PLIN4: variants seen among roughly 807,000 people sequenced by gnomAD.
PLIN4 encodes the protein perilipin 4, also known as perilipin-4.
In PLIN4, 57 loss-of-function variants were observed where a neutral mutation model predicts 52.4. That is an observed-to-expected ratio of 1.09 (90% confidence interval 0.88 to 1.36). PLIN4 has a LOEUF of 1.36. Among genes scored for constraint, PLIN4 ranks in the 40% most tolerant of loss-of-function variants. The pLI is 0.00. For synonymous variants in PLIN4, 826 were observed against 785.4 expected, an observed-to-expected ratio of 1.05 and a Z score of -0.86; for missense variants, 1,757 against 1,770.3, an observed-to-expected ratio of 0.99 and a Z score of 0.13.
At position 4,513,576 on chromosome 19, in the gene PLIN4, A is replaced by C; in HGVS notation, c.384T>G (p.Thr128=). Residue 128 remains threonine, a synonymous_variant, in exon 5 of 8, where the codon ACT becomes ACG. Coordinates refer to ENST00000301286, the MANE Select transcript of PLIN4 (RefSeq NM_001367868.2). The part of the protein sequence containing the change: ...KGVVQGGLDT[T]RSALTGTKEV... ...CCTTGGTGCCCGTAAGTGCAGACCGAGTGGTGTCCAGGCCTCCCTGGACCA... is the reference window on the plus strand; with the variant it reads ...CCTTGGTGCCCGTAAGTGCAGACCGCGTGGTGTCCAGGCCTCCCTGGACCA... The C allele has an allele frequency of 6.2e-7, 1 of 1,605,050 alleles. No individual in the cohort carries two copies. The highest frequency in any genetic ancestry group is 8.5e-7 in the Non-Finnish European group (1 of 1,176,148).
chr19:4,513,107 T>C lies in PLIN4; in HGVS notation c.853A>G (p.Thr285Ala), dbSNP rs968932624. The C allele has an allele frequency of 1.4e-6, 1 of 700,250 alleles. No individual in the cohort carries two copies. The highest frequency in any genetic ancestry group is 2.6e-6 in the Non-Finnish European group (1 of 388,710). 43.4% of individuals were successfully genotyped at this position (700,250 alleles called of 1,614,324 possible). ...VTGAMNVAKGTIQTGVDTSKT... is the reference protein window; with the variant it reads ...VTGAMNVAKGAIQTGVDTSKT... ...CTGGTGTCCACGCCGGTCTGGATGG[T>C]TCCTTTGGCCACATTCATGGCACCA... The change falls in exon 5 of 8, where the codon ACC (threonine) becomes GCC (alanine). Residue 285 changes from threonine to alanine, a missense_variant. By Grantham distance (58) the Thr-to-Ala change is moderately conservative. Around this residue, in one of 7 missense-constraint regions of PLIN4, gnomAD observed 99 missense variants for 143.4 expected, o/e 0.69. Transcript: ENST00000301286.
intron 3 of PLIN4, 26 bp from the exon 4 acceptor site, chr19:4,516,704 A>G (rs1568237917): frequency 6.4e-7 from 1 of 1,565,912 alleles, no homozygotes; most frequent in East Asian, 2.3e-5. Context: ...CCGGTCAGGG[A>G]GAGTGAGGGA....
chr19:4,510,456 C>A lies in PLIN4; in HGVS notation c.3504G>T (p.Ala1168=). ...CAGGCGTCCCCTCACCTTGCTCCTC[C>A]GCATTCATGGGGTGGAAGATGTCCC... ...GLGDIFHPMN[A]EEQAQLAASQ... The change falls in exon 5 of 8, where the codon GCG becomes GCT. Residue 1168 remains alanine (A), a synonymous_variant. Transcript: ENST00000301286. 7.0e-7 allele frequency: 1 copy of A among 1,425,000 alleles called. No homozygotes were observed. The highest frequency in any genetic ancestry group is 9.2e-7 in the Non-Finnish European group (1 of 1,086,200). 88.3% of individuals were successfully genotyped at this position (1,425,000 alleles called of 1,614,324 possible).
intron 6 of PLIN4, among the ~76,000 whole-genome samples, chr19:4,506,519 C>G (rs1976098424): frequency 6.6e-6 from 1 of 152,206 alleles, no homozygotes; most frequent in African/African-American, 2.4e-5. Context: ...CTTCCCCAAC[C>G]ATGGCGCCCC....
Position 4,512,292 on chromosome 19 carries a change from G to T in PLIN4, c.1668C>A (p.Thr556=), listed in dbSNP as rs548549209. The part of the protein sequence containing the change: ...AKGAVQGGLD[T]TKSVVIGTKD... ...TTGTACCTATGACCACAGACTTGGT[G>T]GTGTCCAGGCCCCCCTGGACGGCCC... Residue 556 remains threonine (T), a synonymous_variant, in exon 5 of 8, where the codon ACC becomes ACA. Transcript: ENST00000301286. 8.7e-6 allele frequency: 14 copies of T among 1,602,980 alleles called. No individual in the cohort carries two copies. The South Asian group carries it at 1.5e-4, about 18-fold the overall frequency.
Position 4,512,132 on chromosome 19 carries a change from T to C in PLIN4, c.1828A>G (p.Asn610Asp). The change falls in exon 5 of 8, where the codon AAT becomes GAT. Residue 610 changes from asparagine to aspartate, a missense_variant. Asn to Asp is a conservative substitution (Grantham distance 23). Coordinates refer to ENST00000301286, the MANE Select transcript of PLIN4 (RefSeq NM_001367868.2). ...GTCTGGACGGTCCCTTTGGCGACATTCACTGCCCCCACGAGCCCAGTAGTC... is the reference window on the plus strand; with the variant it reads ...GTCTGGACGGTCCCTTTGGCGACATCCACTGCCCCCACGAGCCCAGTAGTC... Reference protein sequence around the residue: ...TVTTGLVGAVNVAKGTVQTGM... With the variant: ...TVTTGLVGAVDVAKGTVQTGM... The C allele has an allele frequency of 6.2e-7, 1 of 1,606,764 alleles. No individual in the cohort carries two copies. The highest frequency in any genetic ancestry group is 8.5e-7 in the Non-Finnish European group (1 of 1,178,420).
At position 4,504,801 on chromosome 19, in the gene PLIN4, G is replaced by T. The variant is rs376223869; in HGVS notation, c.3790-16C>A. 12 of 1,601,808 alleles carry T rather than the reference G, an allele frequency of 7.5e-6. No homozygotes were observed. The highest frequency in any genetic ancestry group is 2.2e-5 in the East Asian group (1 of 44,572). ...CATCCCGCTCCTGTGGGAGGAAGGC[G>T]CAAGGTGAGTGGAGACCCATGGGCG... is the stretch of plus-strand genomic sequence containing the variant. On this transcript the variant is annotated splice_polypyrimidine_tract_variant and intron_variant, in intron 7 of 7. Coordinates refer to ENST00000301286, the MANE Select transcript of PLIN4 (RefSeq NM_001367868.2).
chr19:4,516,436 G>T (rs1453628392), intron 4 of PLIN4, among the ~76,000 whole-genome samples, 181 bp downstream of exon 4: 3 of 152,170 alleles, frequency 2.0e-5, no homozygotes, highest in African/African-American at 4.8e-5. Flanking sequence ...CAGAGGGGAA[G>T]CTCCGCCTGG....
At position 4,512,676 on chromosome 19, in the gene PLIN4, G is replaced by T. The variant is rs376773141; in HGVS notation, c.1284C>A (p.Ile428=). 3.5e-5 allele frequency: 55 copies of T among 1,555,440 alleles called. No homozygotes were observed. In the East Asian group the frequency reaches 1.2e-3, roughly 33 times the overall value. ...MQTGLNTTQN[I]ATGTKDTVCS... The stretch of plus-strand genomic sequence containing the variant: ...AGACGGTGTCCTTTGTACCTGTTGC[G>T]ATATTTTGGGTTGTGTTCAGCCCAG... The change falls in exon 5 of 8, where the codon ATC becomes ATA. Residue 428 remains isoleucine, a synonymous_variant. Transcript: ENST00000301286.
At chr19:4,509,350 C>A (rs1976213935) in intron 5 of PLIN4, among the ~76,000 whole-genome samples, 1 of 125,562 alleles carries the variant, frequency 8.0e-6, no homozygotes, top group African/African-American at 2.9e-5. Flanking sequence ...GGCGCGGTGG[C>A]TCACGCCCGT....
chr19:4,505,400 G>T (rs144274416), intron 6 of PLIN4, among the ~76,000 whole-genome samples: 1 of 152,094 alleles, frequency 6.6e-6, no homozygotes, highest in African/African-American at 2.4e-5. Context: ...CCACTCAGCC[G>T]GGAGCCTGCT....
Position 4,513,707 on chromosome 19 carries a change from G to T in PLIN4, c.259-6C>A. On this transcript the variant is annotated splice_polypyrimidine_tract_variant and splice_region_variant and intron_variant, in intron 4 of 7. Transcript: ENST00000301286. ...TCTTTGGCCCCGGACACCATCTGCT[G>T]AGAAAGGACACAGGTGGATCAAGAG... 1 of 1,565,972 alleles carries T rather than the reference G, an allele frequency of 6.4e-7. No individual in the cohort carries two copies.
Position 4,502,344 on chromosome 19 carries a change from G to T in PLIN4, c.*2115C>A, listed in dbSNP as rs909883624. The T allele has an allele frequency of 7.7e-6, 3 of 387,152 alleles. No individual in the cohort carries two copies. Among genetic ancestry groups the T allele is most frequent in the African/African-American group, 4.2e-5 (2 of 47,142 alleles). The allele number at this position is 387,152 out of a possible 1,614,324, so 24.0% of individuals were successfully genotyped here. ...GGCCACCGTGAGAAGCGACTAAAAGGCACTCTGGGCCCAGCCCAACCCTGA... is the reference window on the plus strand; with the variant it reads ...GGCCACCGTGAGAAGCGACTAAAAGTCACTCTGGGCCCAGCCCAACCCTGA... On this transcript the variant is annotated 3_prime_UTR_variant, in exon 8 of 8. Coordinates refer to ENST00000301286, the MANE Select transcript of PLIN4 (RefSeq NM_001367868.2).
At chr19:4,509,126 G>A (rs1046725083) in intron 5 of PLIN4, among the ~76,000 whole-genome samples, 171 bp from the exon 6 acceptor site, 4 of 151,496 alleles carry the variant, frequency 2.6e-5, no homozygotes, top group South Asian at 2.1e-4. Context: ...TGGCTAACAC[G>A]GTGAAACCCC....
rs754913396 is a variant in PLIN4 at position 4,512,639 on chromosome 19, T to G, written c.1321A>C (p.Thr441Pro). The part of the protein sequence containing the change: ...GTKDTVCSGV[T>P]GAMNLARGTI... ...CCTCTGGCCAAATTCATGGCACCAG[T>G]CACCCCACTGCAGACGGTGTCCTTT... The change falls in exon 5 of 8, where the codon ACT becomes CCT. Residue 441 changes from threonine to proline, a missense_variant. Coordinates refer to ENST00000301286, the MANE Select transcript of PLIN4 (RefSeq NM_001367868.2). 13 of 1,584,568 alleles carry G rather than the reference T, an allele frequency of 8.2e-6. 1 individual carries two copies. Among genetic ancestry groups the G allele is most frequent in the Non-Finnish European group, 1.0e-5 (12 of 1,164,644 alleles).
At chr19:4,507,965 C>G (rs1406139958) in intron 6 of PLIN4, among the ~76,000 whole-genome samples, 5 of 152,178 alleles carry the variant, frequency 3.3e-5, no homozygotes, top group African/African-American at 1.2e-4. Flanking sequence ...TGCATGACCC[C>G]TGGATGCATC....
chr19:4,512,819 C>T lies in PLIN4; in HGVS notation c.1141G>A (p.Ala381Thr), dbSNP rs376651429. The T allele has an allele frequency of 1.2e-5, 18 of 1,564,292 alleles. 7 individuals are homozygous for T. The African/African-American group carries it at 3.6e-4, about 32-fold the overall frequency. Residue 381 changes from alanine to threonine, a missense_variant, in exon 5 of 8, where the codon GCC (alanine) becomes ACC (threonine). By Grantham distance (58) the Ala-to-Thr change is moderately conservative. Around this residue, in one of 7 missense-constraint regions of PLIN4, gnomAD observed 439 missense variants for 406.4 expected, o/e 1.08. Transcript: ENST00000301286. ...CSGVTGAVNL[A>T]KEAIQGGLDT... is the part of the protein sequence containing the mutation. ...AGGCCCCCCTGGATGGCCTCTTTGG[C>T]CAAGTTCACGGCACCGGTCACCCCA...
Position 4,518,476 on chromosome 19 carries a change from G to A in PLIN4, c.-109C>T. ...GGTCCCCTGGAGGACGGACCGGCCC[G>A]GCTGGCAGCTGGCTCTACCCTCAGC... On this transcript the variant is annotated 5_prime_UTR_variant, in exon 1 of 8. Transcript: ENST00000301286. The A allele has an allele frequency of 4.1e-6, 5 of 1,216,830 alleles. No homozygotes were observed. The highest frequency in any genetic ancestry group is 1.6e-5 in the African/African-American group (1 of 64,166). The allele number at this position is 1,216,830 out of a possible 1,614,324, so 75.4% of individuals were successfully genotyped here.
intron 3 of PLIN4, among the ~76,000 whole-genome samples, chr19:4,517,318 TGA>T (rs1976610696): frequency 7.4e-5 from 1 of 13,446 alleles, no homozygotes; most frequent in Non-Finnish European, 1.5e-4. Context: ...GCCGAGGGAC[TGA>T]GTGGGGGGGC....
Sources: allele counts gnomAD v4.1 joint callset (sites outside exome capture counted in the v4.1 genomes callset), GRCh38; gene constraint gnomAD v4.1.1; regional missense constraint gnomAD v4.1.1; transcripts MANE v1.5; gene names NCBI Gene and HGNC (gene_info 2026-07-23, HGNC 2026-07-21).